Variants in ZMYM4 observed in about 807,000 individuals in gnomAD.
ZMYM4 encodes the protein zinc finger MYM-type containing 4.
A neutral mutation model predicts 183.2 loss-of-function variants in ZMYM4; 31 were observed. The observed-to-expected ratio is 0.17, with a 90% CI of 0.13 to 0.23. The LOEUF (loss-of-function observed/expected upper bound fraction) is 0.23, where lower values mean the gene tolerates loss of function less well. Ranked by LOEUF, ZMYM4 falls within the 10% of genes least tolerant of loss-of-function variation. The pLI is 1.00. For missense variants in ZMYM4, 1,273 were observed against 1,840.3 expected, an observed-to-expected ratio of 0.69 and a Z score of 5.64; for synonymous variants, 592 against 631.2, an observed-to-expected ratio of 0.94 and a Z score of 0.93.
intron 1 of ZMYM4, among the ~76,000 whole-genome samples, chr1:35,293,879 C>T (rs537920202): frequency 3.9e-5 from 6 of 152,200 alleles, no homozygotes; most frequent in South Asian, 4.2e-4. Flanking sequence ...AGGCCAGGCA[C>T]GGTGGCTCAC....
chr1:35,348,274 G>T (rs1643472369), intron 2 of ZMYM4, among the ~76,000 whole-genome samples: 1 of 152,242 alleles, frequency 6.6e-6, no homozygotes, highest in East Asian at 1.9e-4. Flanking sequence ...TATAAAATCA[G>T]ATTGATCTAA....
At chr1:35,298,169 C>CAA (rs1641108187) in intron 1 of ZMYM4, among the ~76,000 whole-genome samples, 1 of 152,178 alleles carries the variant, frequency 6.6e-6, no homozygotes, top group Non-Finnish European at 1.5e-5. Context: ...GTGGGGCAGG[C>CAA]TTTTGCTGGC....
At chr1:35,305,204 A>G (rs1182746846) in intron 1 of ZMYM4, among the ~76,000 whole-genome samples, 2 of 152,172 alleles carry the variant, frequency 1.3e-5, no homozygotes, top group East Asian at 3.9e-4. Flanking sequence ...TATAAATACC[A>G]CTTGGGTCAA....
chr1:35,325,501 C>A, intron 2 of ZMYM4, 96 bp downstream of exon 2: 1 of 1,196,686 alleles, frequency 8.4e-7, no homozygotes, highest in Non-Finnish European at 1.2e-6. Context: ...TTAGTTAGGG[C>A]TGATTTATGT....
intron 2 of ZMYM4, among the ~76,000 whole-genome samples, chr1:35,330,480 C>T (rs1167697010): frequency 2.0e-5 from 3 of 152,104 alleles, no homozygotes; most frequent in Non-Finnish European, 4.4e-5. Context: ...CACTTCTGAA[C>T]AGAATCAGCT....
At chr1:35,284,977 A>G (rs984530168) in intron 1 of ZMYM4, among the ~76,000 whole-genome samples, 17 of 152,192 alleles carry the variant, frequency 1.1e-4, no homozygotes, top group Non-Finnish European at 1.9e-4. Flanking sequence ...AAACATTCAG[A>G]CCATAACAAC....
intron 2 of ZMYM4, among the ~76,000 whole-genome samples, chr1:35,346,901 T>G (rs1007862521): frequency 6.6e-6 from 1 of 152,194 alleles, no homozygotes; most frequent in Non-Finnish European, 1.5e-5. Flanking sequence ...TGCATTCTCC[T>G]TATTCTTCTT....
chr1:35,327,262 AT>A (rs1642545721), intron 2 of ZMYM4, among the ~76,000 whole-genome samples: 1 of 152,202 alleles, frequency 6.6e-6, no homozygotes, highest in Non-Finnish European at 1.5e-5. Flanking sequence ...TACATGTGTA[AT>A]TTATTTTCAA....
chr1:35,281,675 T>C (rs1557901978), intron 1 of ZMYM4, among the ~76,000 whole-genome samples: 1 of 150,326 alleles, frequency 6.7e-6, no homozygotes, highest in Non-Finnish European at 1.5e-5. Context: ...TATATATATA[T>C]ATATAATATA....
chr1:35,271,360 G>GAA (rs200166984), intron 1 of ZMYM4, among the ~76,000 whole-genome samples: 7,850 of 142,810 alleles, frequency 0.055, 697 homozygotes, highest in East Asian at 0.4. Flanking sequence ...AGGAATGCTG[G>GAA]AAAAAAAAAA....
chr1:35,318,179 C>T (rs370706017), intron 1 of ZMYM4, among the ~76,000 whole-genome samples: 49 of 151,628 alleles, frequency 3.2e-4, no homozygotes, highest in African/African-American at 9.9e-4. Flanking sequence ...CTGCCTCACC[C>T]TCCCGAGTAG....
chr1:35,273,921 CTG>C lies in ZMYM4; in HGVS notation c.39+4839_39+4840del, dbSNP rs376092316. Among the ~76,000 whole-genome samples, 528 of 152,220 alleles carry C rather than the reference CTG, an allele frequency of 3.5e-3. 2 individuals carry two copies. The highest frequency in any genetic ancestry group is 4.8e-3 in the Non-Finnish European group (327 of 68,006). ...AAATGTTATCTATTAATATATAAAT[CTG>C]TGAAAATTGAACACACATATAGACA... On this transcript the variant is annotated intron_variant, in intron 1 of 29. Coordinates refer to ENST00000314607, the MANE Select transcript of ZMYM4 (RefSeq NM_005095.3).
chr1:35,415,895 G>T (rs1346706055), intron 28 of ZMYM4, among the ~76,000 whole-genome samples, 181 bp downstream of exon 28: 1 of 152,186 alleles, frequency 6.6e-6, no homozygotes, highest in African/African-American at 2.4e-5. Context: ...GAGGAATCAC[G>T]TGCTTCAATA....
intron 23 of ZMYM4, among the ~76,000 whole-genome samples, chr1:35,403,338 T>C (rs1471280794): frequency 6.6e-6 from 1 of 152,182 alleles, no homozygotes; most frequent in African/African-American, 2.4e-5. Context: ...CAGGCTCGAG[T>C]GCAATGGCGC....
intron 5 of ZMYM4, among the ~76,000 whole-genome samples, chr1:35,365,383 A>G (rs1288139515): frequency 1.3e-5 from 2 of 151,678 alleles, no homozygotes; most frequent in African/African-American, 4.8e-5. Context: ...CCTTTTCCAT[A>G]GGGTCTAAAA....
chr1:35,314,976 G>C (rs1168442302), intron 1 of ZMYM4, among the ~76,000 whole-genome samples: 1 of 151,114 alleles, frequency 6.6e-6, no homozygotes, highest in Admixed American at 6.6e-5. Flanking sequence ...AGTGAGCCGA[G>C]ATCACGCCAT....
At chr1:35,396,439 T>C in intron 18 of ZMYM4, 113 bp from the exon 19 acceptor site, 1 of 1,441,012 alleles carries the variant, frequency 6.9e-7, no homozygotes, top group Non-Finnish European at 9.4e-7. Context: ...TGTAGTGTCA[T>C]AGGTTACTCT....
intron 1 of ZMYM4, among the ~76,000 whole-genome samples, chr1:35,280,267 TCTCTCTCTCTCTCC>T (rs1640091443): frequency 2.0e-5 from 3 of 150,692 alleles, no homozygotes; most frequent in African/African-American, 4.9e-5. Flanking sequence ...TCTTTCTCTC[TCTCTCTCTCTCTCC>T]CTCTCTCTCT....
chr1:35,293,167 A>G (rs1640844466), intron 1 of ZMYM4, among the ~76,000 whole-genome samples: 1 of 150,624 alleles, frequency 6.6e-6, no homozygotes, highest in Admixed American at 6.6e-5. Flanking sequence ...TGCTCGGCTA[A>G]TTTTTTTTTC....
Sources: allele counts gnomAD v4.1 joint callset (sites outside exome capture counted in the v4.1 genomes callset), GRCh38; gene constraint gnomAD v4.1.1; transcripts MANE v1.5; gene names NCBI Gene and HGNC (gene_info 2026-07-23, HGNC 2026-07-21).